The following TMCO5A variants were observed in gnomAD, a reference collection of about 807,000 sequenced individuals.
The protein encoded by TMCO5A is transmembrane and coiled-coil domains 5A.
TMCO5A carries 34 observed loss-of-function variants against 42.3 expected under a neutral mutation model. That is an observed-to-expected ratio of 0.80 (90% confidence interval 0.61 to 1.07). The LOEUF (loss-of-function observed/expected upper bound fraction) is 1.07. Ranked by LOEUF, TMCO5A falls within the 50% of genes least tolerant of loss-of-function variation. The pLI, the probability that TMCO5A is intolerant of heterozygous loss-of-function variation, is 0.00. For synonymous variants in TMCO5A, 131 were observed against 115.6 expected (o/e 1.13, Z -0.86); for missense variants, 357 against 327.9 (o/e 1.09, Z -0.69).
chr15:38,013,713 A>T, the TMCO5A span, among the ~76,000 whole-genome samples: 3 of 152,240 alleles, frequency 2.0e-5, no homozygotes, highest in Non-Finnish European at 4.4e-5. Context: ...AAAATAGCAA[A>T]TAATTTTTTC....
intron 11 of TMCO5A, among the ~76,000 whole-genome samples, chr15:37,956,842 T>C (rs1214905089): frequency 1.3e-5 from 2 of 152,090 alleles, no homozygotes; most frequent in African/African-American, 4.8e-5. Flanking sequence ...AAATCCACAA[T>C]AAAATACTGG....
chr15:38,014,604 G>A, the TMCO5A span, among the ~76,000 whole-genome samples: 3 of 152,122 alleles, frequency 2.0e-5, no homozygotes, highest in African/African-American at 7.2e-5. Flanking sequence ...GATAGAGAGA[G>A]GTGAAAATGG....
chr15:37,946,292 A>G (rs945225526), intron 10 of TMCO5A, among the ~76,000 whole-genome samples: 1 of 152,172 alleles, frequency 6.6e-6, no homozygotes, highest in East Asian at 1.9e-4. Flanking sequence ...GAAGTCAGGT[A>G]GCGTGATGAC....
chr15:38,038,771 C>T, the TMCO5A span, among the ~76,000 whole-genome samples: 1 of 152,172 alleles, frequency 6.6e-6, no homozygotes, highest in African/African-American at 2.4e-5. Flanking sequence ...CATTCATTTC[C>T]CATCAATTTT....
the TMCO5A span, among the ~76,000 whole-genome samples, chr15:38,018,433 A>T: frequency 2.0e-5 from 3 of 152,206 alleles, no homozygotes; most frequent in Non-Finnish European, 4.4e-5. Flanking sequence ...TTGGAGAACA[A>T]GTGCACTCTA....
At chr15:38,014,004 G>A in the TMCO5A span, among the ~76,000 whole-genome samples, 1 of 152,016 alleles carries the variant, frequency 6.6e-6, no homozygotes, top group Admixed American at 6.6e-5. Flanking sequence ...CATCTTCTCT[G>A]CTCTCTGACC....
the TMCO5A span, among the ~76,000 whole-genome samples, chr15:38,034,638 G>A: frequency 6.6e-6 from 1 of 151,962 alleles, no homozygotes; most frequent in Non-Finnish European, 1.5e-5. Flanking sequence ...CATCTTCCCA[G>A]TTACAGCCAT....
chr15:37,982,533 G>GATATTATATATTATCTATATATAATAT, the TMCO5A span, among the ~76,000 whole-genome samples: 8 of 139,604 alleles, frequency 5.7e-5, no homozygotes, highest in Non-Finnish European at 9.2e-5. Context: ...ATATATAATA[G>GATATTATATATTATCTATATATAATAT]ATATTATATA....
rs779312379 is a variant in TMCO5A, at chr15:37,951,073, A to G, written c.706A>G (p.Ile236Val). The change falls in exon 12 of 12, where the codon ATC becomes GTC. Residue 236 changes from isoleucine to valine, a missense_variant. Transcript: ENST00000319669. ...TCTCTTTTTCATCACCCTATTTTTCATCAGACTGCTGAGCTACATGTTTTT... is the reference window on the plus strand; with the variant it reads ...TCTCTTTTTCATCACCCTATTTTTCGTCAGACTGCTGAGCTACATGTTTTT... ...CCLFFITLFF[I>V]RLLSYMFFHV... 1.2e-6 allele frequency: 2 copies of G among 1,612,792 alleles called. No individual in the cohort carries two copies. Among genetic ancestry groups the G allele is most frequent in the Admixed American group, 3.3e-5 (2 of 59,970 alleles).
At chr15:38,039,245 T>C in the TMCO5A span, among the ~76,000 whole-genome samples, 2 of 152,304 alleles carry the variant, frequency 1.3e-5, no homozygotes, top group Admixed American at 6.5e-5. Flanking sequence ...ATTCCAAAAA[T>C]AGAAGTGGTG....
At chr15:37,968,966 A>C (rs962751544), downstream of TMCO5A, among the ~76,000 whole-genome samples, 18 of 152,224 alleles carry the variant, frequency 1.2e-4, no homozygotes, top group African/African-American at 4.1e-4. Context: ...AGGAAGAAAA[A>C]GAATATTTGT....
chr15:37,977,712 C>T, the TMCO5A span, among the ~76,000 whole-genome samples: 1 of 152,324 alleles, frequency 6.6e-6, no homozygotes, highest in South Asian at 2.1e-4. Context: ...GCAAGCTCAG[C>T]CTTTATGTTG....
the TMCO5A span, among the ~76,000 whole-genome samples, chr15:37,978,744 A>G: frequency 1.3e-5 from 2 of 152,208 alleles, no homozygotes; most frequent in African/African-American, 4.8e-5. Context: ...GTATTAGTCC[A>G]TTCTTGTACT....
rs1349152228 is a variant in TMCO5A, at chr15:37,936,473, A to G, written c.140+10A>G. 1 of 1,605,794 alleles carries G rather than the reference A, an allele frequency of 6.2e-7. No individual in the cohort carries two copies. The highest frequency in any genetic ancestry group is 8.5e-7 in the Non-Finnish European group (1 of 1,177,652). Reference sequence around the variant, plus strand: ...AAGATAAGATTCAGAGGTGAGTATTAAGGTTTCATGAGGGAAGTTCCCAAT... The same window carrying G: ...AAGATAAGATTCAGAGGTGAGTATTGAGGTTTCATGAGGGAAGTTCCCAAT... On this transcript the variant is annotated intron_variant, in intron 3 of 11. Transcript: ENST00000319669.
the TMCO5A span, among the ~76,000 whole-genome samples, chr15:37,980,336 C>T: frequency 6.6e-6 from 1 of 152,162 alleles, no homozygotes; most frequent in East Asian, 1.9e-4. Flanking sequence ...GTCTAAGATC[C>T]TCAGGAAGCC....
At chr15:37,937,129 G>T (rs1421476491) in intron 4 of TMCO5A, among the ~76,000 whole-genome samples, 159 bp downstream of exon 4, 2 of 152,094 alleles carry the variant, frequency 1.3e-5, no homozygotes, top group East Asian at 3.9e-4. Flanking sequence ...GATGTGTCTG[G>T]CTTCTTGGGC....
At chr15:38,031,923 A>G in the TMCO5A span, among the ~76,000 whole-genome samples, 1 of 149,274 alleles carries the variant, frequency 6.7e-6, no homozygotes, top group African/African-American at 2.5e-5. Context: ...CCCTTCTCAC[A>G]TGCTGTTTCT....
At chr15:38,024,370 G>C in the TMCO5A span, among the ~76,000 whole-genome samples, 1 of 152,088 alleles carries the variant, frequency 6.6e-6, no homozygotes, top group African/African-American at 2.4e-5. Flanking sequence ...GCTAATTAAA[G>C]TAACATGCAA....
rs564809339 is a variant in TMCO5A, at chr15:37,935,644, C to T, written c.-11+296C>T. ...AAAAAGAAAAATATATCAAGAGCCT[C>T]CCATGTACCCTTCCCAAAATACTCT... On this transcript the variant is annotated intron_variant, in intron 2 of 11. Coordinates refer to ENST00000319669, the MANE Select transcript of TMCO5A (RefSeq NM_152453.4). Among the ~76,000 whole-genome samples, 9 of 152,258 alleles carry T rather than the reference C, an allele frequency of 5.9e-5. No individual in the cohort carries two copies. In the South Asian group the frequency reaches 1.5e-3, roughly 25 times the overall value.
Sources: gnomAD v4.1 joint callset for allele counts (sites outside exome capture counted in the v4.1 genomes callset) on GRCh38, gnomAD v4.1.1 for gene constraint, MANE v1.5 for transcripts, NCBI Gene and HGNC (gene_info 2026-07-23, HGNC 2026-07-21) for gene names.